LOXHD1: variants seen among roughly 807,000 people sequenced by gnomAD.
The protein encoded by LOXHD1 is lipoxygenase homology PLAT domains 1, also known as lipoxygenase homology domain-containing protein 1.
In LOXHD1, 205 loss-of-function variants were observed where a neutral mutation model predicts 248.2. That is an observed-to-expected ratio of 0.83 (90% CI 0.74 to 0.93). The LOEUF (loss-of-function observed/expected upper bound fraction) is 0.93. Among genes scored for constraint, LOXHD1 ranks in the 40% least tolerant of loss-of-function variants. The pLI is 0.00. For missense variants in LOXHD1, 2,930 were observed against 2,971.6 expected (o/e 0.99, Z 0.33); for synonymous variants, 1,113 against 1,162.8 (o/e 0.96, Z 0.87).
intron 30 of LOXHD1, 40 bp downstream of exon 30, chr18:46,524,668 C>T (rs2035739978): frequency 6.4e-7 from 1 of 1,551,226 alleles, no homozygotes; most frequent in Non-Finnish European, 8.7e-7. Flanking sequence ...CTCCCCTAGG[C>T]ATGAGGATGG....
chr18:46,635,855 G>C (rs2038886257), intron 4 of LOXHD1, among the ~76,000 whole-genome samples: 1 of 152,164 alleles, frequency 6.6e-6, no homozygotes, highest in Non-Finnish European at 1.5e-5. Context: ...TCTTGAAGAT[G>C]AAATGTGAGT....
rs2032769813 is a variant in LOXHD1 at position 46,483,596 on chromosome 18, T to A, written c.6332A>T (p.Tyr2111Phe). 1 of 1,551,554 alleles carries A rather than the reference T, an allele frequency of 6.4e-7. No individual in the cohort carries two copies. The highest frequency in any genetic ancestry group is 1.4e-5 in the African/African-American group (1 of 73,104). ...VKTITITEMEYGNVYFFNCDC... is the reference protein window; with the variant it reads ...VKTITITEMEFGNVYFFNCDC... Reference sequence around the variant, plus strand: ...GAGGCTCAGTACATACACATTGCCGTACTCCATCTCGGTGATGGTGATGGT... The same window carrying A: ...GAGGCTCAGTACATACACATTGCCGAACTCCATCTCGGTGATGGTGATGGT... The change falls in exon 40 of 41, where the codon TAC (tyrosine) becomes TTC (phenylalanine). Residue 2111 changes from tyrosine to phenylalanine, a missense_variant. By Grantham distance (22) the Tyr-to-Phe change is conservative. Transcript: ENST00000642948.
chr18:46,649,209 A>G lies in LOXHD1; in HGVS notation c.191T>C (p.Phe64Ser), dbSNP rs2039075443. ...CCCATTCTCTCCAAAAAGCGTGATG[A>G]AGACATTGGCATCCGTCCCTGCACC... The part of the protein sequence containing the change: ...VRGAGTDANV[F>S]ITLFGENGLS... Residue 64 changes from phenylalanine to serine, a missense_variant, in exon 2 of 41, where the codon TTC (phenylalanine) becomes TCC (serine). Phe to Ser is a radical substitution (Grantham distance 155, BLOSUM62 -2). Coordinates refer to ENST00000642948, the MANE Select transcript of LOXHD1 (RefSeq NM_001384474.1). 6.4e-7 allele frequency: 1 copy of G among 1,551,668 alleles called. No homozygotes were observed. The highest frequency in any genetic ancestry group is 8.7e-7 in the Non-Finnish European group (1 of 1,147,026).
chr18:46,645,136 G>A (rs755106869), intron 2 of LOXHD1, among the ~76,000 whole-genome samples: 21 of 152,228 alleles, frequency 1.4e-4, no homozygotes, highest in Non-Finnish European at 2.6e-4. Flanking sequence ...CCCAACTCAG[G>A]ATTAGCTTCT....
intron 35 of LOXHD1, among the ~76,000 whole-genome samples, chr18:46,508,638 A>G (rs899693110): frequency 6.6e-6 from 1 of 152,248 alleles, no homozygotes; most frequent in Non-Finnish European, 1.5e-5. Context: ...TGAGACTATA[A>G]CATACATTAT....
chr18:46,511,210 C>T (rs1402762574), intron 34 of LOXHD1, among the ~76,000 whole-genome samples: 3 of 152,184 alleles, frequency 2.0e-5, no homozygotes, highest in African/African-American at 7.2e-5. Flanking sequence ...GGATGGACTT[C>T]CTCTCTTCGG....
At chr18:46,610,644 AT>A in intron 6 of LOXHD1, 131 bp downstream of exon 6, 1 of 1,046,144 alleles carries the variant, frequency 9.6e-7, no homozygotes, top group Admixed American at 3.2e-5. Context: ...ATGGCTGGCC[AT>A]CTGGCTTAGG....
chr18:46,595,929 T>A (rs932702484), intron 8 of LOXHD1, among the ~76,000 whole-genome samples: 1 of 152,198 alleles, frequency 6.6e-6, no homozygotes, highest in African/African-American at 2.4e-5. Flanking sequence ...GGTTGTGTGT[T>A]TTCTCACCCC....
intron 14 of LOXHD1, among the ~76,000 whole-genome samples, chr18:46,573,002 G>A (rs1320159685): frequency 6.6e-5 from 8 of 121,602 alleles, no homozygotes; most frequent in South Asian, 5.6e-4. Flanking sequence ...CAGCCTGGGC[G>A]ACAGGGTGAG....
intron 1 of LOXHD1, among the ~76,000 whole-genome samples, chr18:46,649,539 C>T (rs913457345): frequency 3.3e-5 from 5 of 152,176 alleles, no homozygotes; most frequent in Non-Finnish European, 5.9e-5. Flanking sequence ...CACCAGAGCC[C>T]GGCCCAAAGC....
chr18:46,606,341 T>C (rs76005998), intron 6 of LOXHD1, among the ~76,000 whole-genome samples: 11,827 of 150,498 alleles, frequency 0.079, 526 homozygotes, highest in Non-Finnish European at 0.11. Context: ...TGTATATATA[T>C]ACACACACAC....
chr18:46,482,652 T>C (rs1025843855), intron 40 of LOXHD1, among the ~76,000 whole-genome samples: 3 of 152,182 alleles, frequency 2.0e-5, no homozygotes, highest in African/African-American at 7.2e-5. Flanking sequence ...GTTGGACAAG[T>C]GTGGCTTTGA....
rs539867685 is a variant in LOXHD1 at position 46,555,559 on chromosome 18, C to T, written c.3350+1797G>A. The stretch of plus-strand genomic sequence containing the variant: ...GAGGGGAGCCCAACAAGTCTATGGG[C>T]TGGAAAGTTGATTTAATTCAACAAA... On this transcript the variant is annotated intron_variant, in intron 21 of 40. Transcript: ENST00000642948. 4.6e-5 allele frequency among the ~76,000 whole-genome samples: 7 copies of T among 152,264 alleles called. No individual in the cohort carries two copies. In the East Asian group the frequency reaches 1.2e-3, roughly 25 times the overall value.
At chr18:46,645,301 G>A (rs541111924) in intron 2 of LOXHD1, among the ~76,000 whole-genome samples, 123 of 152,322 alleles carry the variant, frequency 8.1e-4, no homozygotes, top group Admixed American at 5.0e-3. Flanking sequence ...GCCACTGGTC[G>A]ATTCTCACAT....
chr18:46,579,725 T>G lies in LOXHD1; in HGVS notation c.1714A>C (p.Asn572His), dbSNP rs886053837. The G allele has an allele frequency of 1.9e-6, 3 of 1,551,802 alleles. No individual in the cohort carries two copies. The highest frequency in any genetic ancestry group is 2.6e-6 in the Non-Finnish European group (3 of 1,147,022). The change falls in exon 13 of 41, where the codon AAC (asparagine) becomes CAC (histidine). Residue 572 changes from asparagine to histidine, a missense_variant. Transcript: ENST00000642948. ...GELEGAGTDA[N>H]VYLCLFGDVG... is the part of the protein sequence containing the mutation. Reference sequence around the variant, plus strand: ...TCACCAAAAAGGCAGAGATAGACGTTGGCATCGGTCCCAGCACCTTCAAGT... The same window carrying G: ...TCACCAAAAAGGCAGAGATAGACGTGGGCATCGGTCCCAGCACCTTCAAGT...
At chr18:46,631,469 G>T (rs148273944) in intron 4 of LOXHD1, among the ~76,000 whole-genome samples, 110 of 152,268 alleles carry the variant, frequency 7.2e-4, no homozygotes, top group African/African-American at 2.5e-3. Context: ...GTGTGGCACA[G>T]ACTTTCCTCA....
chr18:46,524,806 A>G lies in LOXHD1; in HGVS notation c.4642T>C (p.Trp1548Arg). 6.4e-7 allele frequency: 1 copy of G among 1,551,772 alleles called. No individual in the cohort carries two copies. The highest frequency in any genetic ancestry group is 2.4e-5 in the East Asian group (1 of 40,928). Residue 1548 changes from tryptophan to arginine, a missense_variant, in exon 30 of 41, where the codon TGG becomes CGG. Transcript: ENST00000642948. ...AACTCGTCCTCGTTGGTGTCATTCCAGATCTCCACCTTCTCCACGTACCAG... is the reference window on the plus strand; with the variant it reads ...AACTCGTCCTCGTTGGTGTCATTCCGGATCTCCACCTTCTCCACGTACCAG... ...ADWYVEKVEI[W>R]NDTNEDEFLF...
At chr18:46,627,519 A>G (rs2038758877) in intron 4 of LOXHD1, among the ~76,000 whole-genome samples, 1 of 147,782 alleles carries the variant, frequency 6.8e-6, no homozygotes, top group South Asian at 2.1e-4. Flanking sequence ...CCACAAACAG[A>G]AAAAAAAAGG....
At chr18:46,609,253 G>A (rs2038468906) in intron 6 of LOXHD1, among the ~76,000 whole-genome samples, 1 of 152,180 alleles carries the variant, frequency 6.6e-6, no homozygotes, top group Non-Finnish European at 1.5e-5. Context: ...GAGGGAGCAG[G>A]TGCATCAGAA....
Sources: gnomAD v4.1 joint callset for allele counts (sites outside exome capture counted in the v4.1 genomes callset) on GRCh38, gnomAD v4.1.1 for gene constraint, MANE v1.5 for transcripts, NCBI Gene and HGNC (gene_info 2026-07-23, HGNC 2026-07-21) for gene names.